The following SLC39A10 variants were observed in gnomAD, a reference collection of about 807,000 sequenced individuals.
SLC39A10 encodes zinc transporter ZIP10.
In SLC39A10, 13 loss-of-function variants were observed where a neutral mutation model predicts 65.1. The ratio of observed to expected loss-of-function variants is 0.20; its 90% CI spans 0.13 to 0.32. The LOEUF is 0.32. SLC39A10 is among the 10% of genes least tolerant of loss of function. The probability of loss-of-function intolerance (pLI) is 1.00; values close to 1 mark genes in which losing one functional copy is unlikely to be tolerated. For missense variants in SLC39A10, 831 were observed against 1,018.4 expected, an observed-to-expected ratio of 0.82 and a Z score of 2.50; for synonymous variants, 321 against 342.2, an observed-to-expected ratio of 0.94 and a Z score of 0.68.
At chr2:195,724,720 T>C (rs1211726415) in intron 8 of SLC39A10, among the ~76,000 whole-genome samples, 2 of 152,180 alleles carry the variant, frequency 1.3e-5, no homozygotes, top group African/African-American at 4.8e-5. Context: ...AGACTATTGT[T>C]AAGATGTTAA....
Position 195,702,930 on chromosome 2 carries a change from T to A in SLC39A10, c.1217-3686T>A, listed in dbSNP as rs143867747. 7.2e-5 allele frequency among the ~76,000 whole-genome samples: 11 copies of A among 152,388 alleles called. 1 individual carries two copies. Among genetic ancestry groups the A allele is most frequent in the African/African-American group, 2.6e-4 (11 of 41,600 alleles). Reference sequence around the variant, plus strand: ...ACAAGTAAATTGATTTTTTTCATAATATGCATTTTCCATGAACTTTTTGAA... The same window carrying A: ...ACAAGTAAATTGATTTTTTTCATAAAATGCATTTTCCATGAACTTTTTGAA... On this transcript the variant is annotated intron_variant, in intron 3 of 9. Coordinates refer to ENST00000359634, the MANE Select transcript of SLC39A10 (RefSeq NM_020342.3).
chr2:195,658,297 G>T (rs1326348020), intron 1 of SLC39A10: 3 of 152,184 alleles, frequency 2.0e-5, no homozygotes, highest in Non-Finnish European at 2.9e-5. Flanking sequence ...CTGTACTAAG[G>T]ATCTGGCACG....
upstream of SLC39A10, among the ~76,000 whole-genome samples, chr2:195,652,027 A>G (rs75354305): frequency 0.016 from 2,511 of 152,266 alleles, 70 homozygotes; most frequent in African/African-American, 0.057. Context: ...GGTTTTATAC[A>G]TTTTAGGGAG....
At chr2:195,649,095 A>G (rs1688982677) in intron 2 of SLC39A10, among the ~76,000 whole-genome samples, 1 of 152,204 alleles carries the variant, frequency 6.6e-6, no homozygotes, top group Non-Finnish European at 1.5e-5. Flanking sequence ...ATTTCTCATG[A>G]AACATTAGGA....
intron 9 of SLC39A10, among the ~76,000 whole-genome samples, chr2:195,732,150 C>T (rs964493462): frequency 2.0e-5 from 3 of 152,056 alleles, no homozygotes; most frequent in African/African-American, 7.2e-5. Flanking sequence ...GCACAACATG[C>T]CATACCAAAA....
chr2:195,661,967 C>T (rs934568600), intron 1 of SLC39A10, among the ~76,000 whole-genome samples: 1 of 152,106 alleles, frequency 6.6e-6, no homozygotes, highest in Non-Finnish European at 1.5e-5. Flanking sequence ...TATTTCTAAT[C>T]AATTTTACCC....
chr2:195,675,538 C>G (rs1000463541), intron 1 of SLC39A10, among the ~76,000 whole-genome samples: 9 of 152,312 alleles, frequency 5.9e-5, no homozygotes, highest in Admixed American at 2.0e-4. Flanking sequence ...CGGGTTCATG[C>G]CATTCTCCTC....
intron 1 of SLC39A10, among the ~76,000 whole-genome samples, chr2:195,670,115 T>C (rs936323154): frequency 3.9e-5 from 6 of 152,126 alleles, no homozygotes; most frequent in Admixed American, 3.3e-4. Flanking sequence ...GCGGAGATCA[T>C]GCCACTGCAC....
intron 8 of SLC39A10, among the ~76,000 whole-genome samples, chr2:195,723,301 A>G (rs904334669): frequency 1.3e-5 from 2 of 152,212 alleles, no homozygotes; most frequent in Non-Finnish European, 2.9e-5. Flanking sequence ...TTAAGTTACA[A>G]TACTACTTTG....
intron 6 of SLC39A10, 66 bp from the exon 7 acceptor site, chr2:195,716,571 T>TGTCTAG (rs3841858): frequency 0.72 from 969,404 of 1,347,350 alleles, 352,165 homozygotes; most frequent in Non-Finnish European, 0.74. Context: ...ACTGCTATTC[T>TGTCTAG]GTTTAAATTA....
Position 195,657,536 on chromosome 2 carries a change from G to C in SLC39A10, c.-12+255G>C. The C allele has an allele frequency of 2.3e-5, 23 of 983,500 alleles. 1 individual carries two copies. The highest frequency in any genetic ancestry group is 2.8e-5 in the Non-Finnish European group (23 of 828,210). 60.9% of individuals were successfully genotyped at this position (983,500 alleles called of 1,614,324 possible). ...CCTCGTGTGCGGTCTGGGCTGCTGCGGGCCGCGGGATCGGGAGCCGGCGGC... is the reference window on the plus strand; with the variant it reads ...CCTCGTGTGCGGTCTGGGCTGCTGCCGGCCGCGGGATCGGGAGCCGGCGGC... On this transcript the variant is annotated intron_variant, in intron 1 of 9. Transcript: ENST00000359634.
chr2:195,719,460 AT>A (rs1483366879), intron 8 of SLC39A10, among the ~76,000 whole-genome samples: 1 of 152,124 alleles, frequency 6.6e-6, no homozygotes, highest in Non-Finnish European at 1.5e-5. Context: ...TGCATTGAAC[AT>A]TTCTAGACTT....
At chr2:195,655,245 T>C (rs1689121947), upstream of SLC39A10, among the ~76,000 whole-genome samples, 1 of 152,164 alleles carries the variant, frequency 6.6e-6, no homozygotes, top group South Asian at 2.1e-4. Flanking sequence ...GGGATACCAC[T>C]CAGAGTTGCA....
At chr2:195,705,895 C>T (rs1387936861) in intron 3 of SLC39A10, among the ~76,000 whole-genome samples, 1 of 152,156 alleles carries the variant, frequency 6.6e-6, no homozygotes, top group Non-Finnish European at 1.5e-5. Context: ...CCCTTCCCCA[C>T]CATACCTATT....
chr2:195,657,498 G>C lies in SLC39A10; in HGVS notation c.-12+217G>C, dbSNP rs951515450. On this transcript the variant is annotated intron_variant, in intron 1 of 9. Coordinates refer to ENST00000359634, the MANE Select transcript of SLC39A10 (RefSeq NM_020342.3). ...CAGAGCGCGTGGTGGGCAGAGTGTTGGGCGCCGCGGCTCCTCGTGTGCGGT... is the reference window on the plus strand; with the variant it reads ...CAGAGCGCGTGGTGGGCAGAGTGTTCGGCGCCGCGGCTCCTCGTGTGCGGT... 13 of 985,452 alleles carry C rather than the reference G, an allele frequency of 1.3e-5. No homozygotes were observed. In the East Asian group the frequency reaches 1.5e-3, roughly 112 times the overall value. The allele number at this position is 985,452 out of a possible 1,614,324, so 61.0% of individuals were successfully genotyped here.
intron 9 of SLC39A10, among the ~76,000 whole-genome samples, chr2:195,729,977 T>TTTTC (rs1692383323): frequency 7.0e-6 from 1 of 142,572 alleles, no homozygotes; most frequent in Non-Finnish European, 1.5e-5. Context: ...TTTTTTTTTT[T>TTTTC]TTTTTTTTGT....
intron 5 of SLC39A10, among the ~76,000 whole-genome samples, chr2:195,709,617 CCT>C (rs748101047): frequency 2.7e-4 from 41 of 152,024 alleles, no homozygotes; most frequent in South Asian, 6.2e-4. Flanking sequence ...TTCAAGTGAT[CCT>C]CTCACCTTAG....
At chr2:195,685,900 C>G (rs1017257937) in intron 3 of SLC39A10, among the ~76,000 whole-genome samples, 1 of 152,152 alleles carries the variant, frequency 6.6e-6, no homozygotes, top group African/African-American at 2.4e-5. Context: ...AGGAAAGATA[C>G]TTGTTGAAAT....
At chr2:195,719,297 G>A (rs1291280471) in intron 8 of SLC39A10, among the ~76,000 whole-genome samples, 4 of 151,538 alleles carry the variant, frequency 2.6e-5, no homozygotes, top group African/African-American at 9.7e-5. Context: ...ACTTATTACT[G>A]TGTTTTAAAA....
Sources: gnomAD v4.1 joint callset for allele counts (sites outside exome capture counted in the v4.1 genomes callset) on GRCh38, gnomAD v4.1.1 for gene constraint, MANE v1.5 for transcripts, NCBI Gene and HGNC (gene_info 2026-07-23, HGNC 2026-07-21) for gene names.